KALRN: variants seen among roughly 807,000 people sequenced by gnomAD.
KALRN encodes kalirin RhoGEF kinase.
Under a neutral mutation model 353.7 loss-of-function variants are expected in KALRN, and 70 were observed. That is an observed-to-expected ratio of 0.20 (90% CI 0.16 to 0.24). KALRN has a LOEUF of 0.24. Ranked by LOEUF, KALRN falls within the 10% of genes least tolerant of loss-of-function variation. The pLI is 1.00. For missense variants in KALRN, 2,791 were observed against 3,756.7 expected (o/e 0.74, Z 6.72); for synonymous variants, 1,391 against 1,434.8 (o/e 0.97, Z 0.69).
chr3:124,050,634 C>T (rs982248272), intron 1 of KALRN, among the ~76,000 whole-genome samples: 2 of 152,114 alleles, frequency 1.3e-5, no homozygotes, highest in African/African-American at 2.4e-5. Flanking sequence ...CCCTGGTATC[C>T]GATCTAGACT....
chr3:124,271,033 G>T (rs535035745), intron 5 of KALRN, among the ~76,000 whole-genome samples: 1 of 151,886 alleles, frequency 6.6e-6, no homozygotes, highest in African/African-American at 2.4e-5. Context: ...GGGTTTCACC[G>T]TGTTAGCCAG....
chr3:124,489,488 G>C (rs2062913077), intron 29 of KALRN, among the ~76,000 whole-genome samples: 1 of 152,064 alleles, frequency 6.6e-6, no homozygotes, highest in Non-Finnish European at 1.5e-5. Flanking sequence ...ATACTTCCCA[G>C]ACCATCCTTA....
intron 1 of KALRN, among the ~76,000 whole-genome samples, chr3:124,177,166 T>A (rs1235467219): frequency 6.6e-6 from 1 of 152,200 alleles, no homozygotes; most frequent in African/African-American, 2.4e-5. Flanking sequence ...CTCTGTCCCT[T>A]CCTTTTCACA....
At chr3:124,383,659 A>G (rs1351064634) in intron 10 of KALRN, among the ~76,000 whole-genome samples, 1 of 152,150 alleles carries the variant, frequency 6.6e-6, no homozygotes, top group African/African-American at 2.4e-5. Context: ...ACTTAATGTA[A>G]CTAATTACGT....
intron 6 of KALRN, among the ~76,000 whole-genome samples, chr3:124,322,979 G>C (rs1461224824): frequency 1.3e-5 from 2 of 152,166 alleles, no homozygotes; most frequent in East Asian, 3.9e-4. Flanking sequence ...AAATTCATAA[G>C]TCAACATTGT....
At position 124,434,478 on chromosome 3, in the gene KALRN, C is replaced by G. The variant is rs369397521; in HGVS notation, c.3001C>G (p.Leu1001Val). 21 of 1,614,122 alleles carry G rather than the reference C, an allele frequency of 1.3e-5. No homozygotes were observed. Among genetic ancestry groups the G allele is most frequent in the Non-Finnish European group, 1.7e-5 (20 of 1,180,038 alleles). ...QQLMLKMEDR[L>V]KLVNASVAFY... Reference sequence around the variant, plus strand: ...GCTCATGCTGAAGATGGAAGACCGGCTAAAATTGGTCAATGCCTCTGTGGC... The same window carrying G: ...GCTCATGCTGAAGATGGAAGACCGGGTAAAATTGGTCAATGCCTCTGTGGC... Residue 1001 changes from leucine (L) to valine (V), a missense_variant, in exon 17 of 60, where the codon CTA becomes GTA. By Grantham distance (32) the Leu-to-Val change is conservative. Transcript: ENST00000682506.
intron 5 of KALRN, among the ~76,000 whole-genome samples, chr3:124,269,772 G>T (rs556065668): frequency 6.6e-6 from 1 of 152,310 alleles, no homozygotes; most frequent in South Asian, 2.1e-4. Flanking sequence ...ATAATCCTTT[G>T]ATCCTTATGG....
At chr3:124,404,589 C>T (rs1474309574) in intron 13 of KALRN, among the ~76,000 whole-genome samples, 1 of 123,136 alleles carries the variant, frequency 8.1e-6, no homozygotes, top group South Asian at 2.8e-4. Context: ...GCTTCCAGTA[C>T]ACTGACTTAA....
At chr3:124,553,936 A>T (rs141605022) in intron 33 of KALRN, among the ~76,000 whole-genome samples, 29 of 152,392 alleles carry the variant, frequency 1.9e-4, no homozygotes, top group Admixed American at 1.9e-3. Flanking sequence ...AAGGGAGAAT[A>T]AATACCAGTT....
chr3:124,713,399 C>T (rs2062984941), intron 58 of KALRN, among the ~76,000 whole-genome samples: 1 of 152,142 alleles, frequency 6.6e-6, no homozygotes, highest in Non-Finnish European at 1.5e-5. Flanking sequence ...ACCCATATCT[C>T]TCTCACTTCC....
intron 6 of KALRN, among the ~76,000 whole-genome samples, chr3:124,299,377 C>A (rs958866440): frequency 1.3e-5 from 2 of 152,096 alleles, no homozygotes; most frequent in East Asian, 1.9e-4. Flanking sequence ...ATTTAAAGGG[C>A]TGCCTTAAAG....
chr3:124,298,698 G>A (rs1466775525), intron 5 of KALRN, 93 bp from the exon 6 acceptor site: 1 of 1,406,886 alleles, frequency 7.1e-7, no homozygotes, highest in East Asian at 2.3e-5. Flanking sequence ...AGCACCAGCA[G>A]GAGAGCTTTT....
intron 9 of KALRN, among the ~76,000 whole-genome samples, chr3:124,340,181 T>A (rs559753304): frequency 6.6e-6 from 1 of 152,190 alleles, no homozygotes; most frequent in Non-Finnish European, 1.5e-5. Context: ...TAGCTGGTGA[T>A]GAGTGAGTGG....
At chr3:124,619,482 C>CTTTTTTTTTTTTTTTTTTTTTTTTTTTTT (rs59009780) in intron 34 of KALRN, among the ~76,000 whole-genome samples, 1 of 104,660 alleles carries the variant, frequency 9.6e-6, no homozygotes. Context: ...TATTTTCCTT[C>CTTTTTTTTTTTTTTTTTTTTTTTTTTTTT]TTTTTTTTTT....
intron 5 of KALRN, among the ~76,000 whole-genome samples, chr3:124,289,692 G>T (rs1444743): frequency 0.63 from 95,605 of 151,980 alleles, 30,319 homozygotes; most frequent in South Asian, 0.78. Context: ...GGACACTAGA[G>T]TCCAATTTAT....
chr3:124,226,907 C>T (rs1472794896), intron 1 of KALRN, among the ~76,000 whole-genome samples: 1 of 152,148 alleles, frequency 6.6e-6, no homozygotes, highest in African/African-American at 2.4e-5. Context: ...GACATACAAC[C>T]GCTCGCCTTC....
At chr3:124,437,186 T>C (rs1037981452) in intron 17 of KALRN, among the ~76,000 whole-genome samples, 1 of 151,698 alleles carries the variant, frequency 6.6e-6, no homozygotes, top group Non-Finnish European at 1.5e-5. Flanking sequence ...CATGTGATGC[T>C]AGAGATGGGA....
At chr3:124,088,831 A>G (rs2060957012) in intron 1 of KALRN, among the ~76,000 whole-genome samples, 2 of 152,210 alleles carry the variant, frequency 1.3e-5, no homozygotes, top group Admixed American at 6.5e-5. Flanking sequence ...CATTTGTTGA[A>G]AAGTAAAGTG....
chr3:124,500,474 C>A (rs2064387448), intron 33 of KALRN, among the ~76,000 whole-genome samples: 1 of 152,202 alleles, frequency 6.6e-6, no homozygotes, highest in South Asian at 2.1e-4. Flanking sequence ...TCTTTAACAT[C>A]TCCAGGGAAA....
Sources: allele counts gnomAD v4.1 joint callset (sites outside exome capture counted in the v4.1 genomes callset), GRCh38; gene constraint gnomAD v4.1.1; transcripts MANE v1.5; gene names NCBI Gene and HGNC (gene_info 2026-07-23, HGNC 2026-07-21).